The following ZNF189 variants were observed in gnomAD, a reference collection of about 807,000 sequenced individuals.
ZNF189 encodes the protein zinc finger protein 189.
ZNF189 carries 33 observed loss-of-function variants against 53.5 expected under a neutral mutation model. That is an observed-to-expected ratio of 0.62 (90% CI 0.47 to 0.82). The LOEUF (loss-of-function observed/expected upper bound fraction) is 0.82. Ranked by LOEUF, ZNF189 falls within the 40% of genes least tolerant of loss-of-function variation. The pLI, the probability that ZNF189 is intolerant of heterozygous loss-of-function variation, is 0.00. For missense variants in ZNF189, 711 were observed against 753.9 expected (o/e 0.94, Z 0.67); for synonymous variants, 247 against 238.8 (o/e 1.03, Z -0.32).
At position 101,408,181 on chromosome 9, in the gene ZNF189, G is replaced by C. The variant is rs544616775; in HGVS notation, c.413G>C (p.Arg138Pro). ...TTCAGAGAAAACACTAACATTATCC[G>C]TAAAAGACCAAACTCAGAAGAGAAA... ...RMFRENTNII[R>P]KRPNSEEKCH... Residue 138 changes from arginine to proline, a missense_variant, in exon 3 of 3, where the codon CGT (arginine) becomes CCT (proline). Physicochemically the swap from Arg to Pro is moderately radical, Grantham distance 103 (BLOSUM62 -2). Coordinates refer to ENST00000339664, the MANE Select transcript of ZNF189 (RefSeq NM_003452.4). 2 of 1,614,134 alleles carry C rather than the reference G, an allele frequency of 1.2e-6. No homozygotes were observed. Among genetic ancestry groups the C allele is most frequent in the Non-Finnish European group, 1.7e-6 (2 of 1,180,032 alleles).
rs1588165124 is a variant in ZNF189 at position 101,409,818 on chromosome 9, C to T, written c.*169C>T. On this transcript the variant is annotated 3_prime_UTR_variant, in exon 3 of 3. Coordinates refer to ENST00000339664, the MANE Select transcript of ZNF189 (RefSeq NM_003452.4). ...TGGACAACTGCCCATGAGCATTTGA[C>T]TTCCCTTACTCTTTGATGATCGTAG... The T allele has an allele frequency of 1.5e-6, 1 of 666,968 alleles. No individual in the cohort carries two copies. Among genetic ancestry groups the T allele is most frequent in the African/African-American group, 1.8e-5 (1 of 54,766 alleles). The allele number at this position is 666,968 out of a possible 1,614,324, so 41.3% of individuals were successfully genotyped here.
At chr9:101,407,877 C>T (rs1830771006) in intron 2 of ZNF189, 52 bp from the exon 3 acceptor site, 2 of 1,452,034 alleles carry the variant, frequency 1.4e-6, no homozygotes, top group Non-Finnish European at 1.8e-6. Context: ...CTTTGTTTCT[C>T]CTTGCTTCAA....
In ZNF189 at chr9:101,398,890, A is replaced by T; in HGVS notation, c.-267A>T. ...TTGGCTGCAAGGAGGAGGAACTGGC[A>T]GCGGGGAGGAGGCTCTAGCGAGGCC... On this transcript the variant is annotated 5_prime_UTR_variant, in exon 1 of 3. Coordinates refer to ENST00000339664, the MANE Select transcript of ZNF189 (RefSeq NM_003452.4). The T allele has an allele frequency of 1.8e-6, 1 of 545,528 alleles. No individual in the cohort carries two copies. The highest frequency in any genetic ancestry group is 3.3e-6 in the Non-Finnish European group (1 of 307,542). The allele number at this position is 545,528 out of a possible 1,614,324, so 33.8% of individuals were successfully genotyped here. A position where few individuals can be genotyped will look rare whatever the true frequency, so the allele number is the denominator to read the frequency against.
At position 101,399,106 on chromosome 9, in the gene ZNF189, T is replaced by C; in HGVS notation, c.-51T>C. 7.3e-7 allele frequency: 1 copy of C among 1,378,450 alleles called. No individual in the cohort carries two copies. The highest frequency in any genetic ancestry group is 1.0e-6 in the Non-Finnish European group (1 of 967,804). 85.4% of individuals were successfully genotyped at this position (1,378,450 alleles called of 1,614,324 possible). A position where few individuals can be genotyped will look rare whatever the true frequency, so the allele number is the denominator to read the frequency against. ...CAGCCGGGTAGGCCTCACCAGAGGC[T>C]CCTTTCCGTGAGGCCGCCCCCAATT... is the stretch of plus-strand genomic sequence containing the variant. On this transcript the variant is annotated 5_prime_UTR_variant, in exon 1 of 3. Coordinates refer to ENST00000339664, the MANE Select transcript of ZNF189 (RefSeq NM_003452.4).
rs1194017740 is a variant in ZNF189 at position 101,410,212 on chromosome 9, T to C, written c.*563T>C. On this transcript the variant is annotated 3_prime_UTR_variant, in exon 3 of 3. Transcript: ENST00000339664. ...GTTCCAATGCCTGATGGTTCCCAGA[T>C]CTATGAAATGAGTGGACCATTAACC... The C allele has an allele frequency of 6.5e-6, 1 of 152,800 alleles. No individual in the cohort carries two copies. The highest frequency in any genetic ancestry group is 1.5e-5 in the Non-Finnish European group (1 of 68,184). The allele number at this position is 152,800 out of a possible 1,614,324, so 9.5% of individuals were successfully genotyped here.
chr9:101,403,728 C>T (rs535191763), intron 2 of ZNF189, among the ~76,000 whole-genome samples: 1 of 152,272 alleles, frequency 6.6e-6, no homozygotes, highest in East Asian at 1.9e-4. Context: ...CTTTGTTCCT[C>T]TTTTTATAAG....
Position 101,399,998 on chromosome 9 carries a change from C to T in ZNF189, c.148C>T (p.Leu50=), listed in dbSNP as rs1830475751. The change falls in exon 2 of 3, where the codon CTG becomes TTG. Residue 50 remains leucine, a synonymous_variant. Transcript: ENST00000339664. ...TGTCATGATGGAGAATTATGGAAAC[C>T]TGGTCTCACTGGGTAAGAATCTGCT... ...KDVMMENYGN[L]VSLDVLNRDK... is the part of the protein sequence containing the mutation. 1.8e-5 allele frequency: 29 copies of T among 1,614,006 alleles called. No homozygotes were observed. The highest frequency in any genetic ancestry group is 2.5e-5 in the Non-Finnish European group (29 of 1,179,974).
At chr9:101,403,822 A>G (rs1156922311) in intron 2 of ZNF189, among the ~76,000 whole-genome samples, 6 of 152,188 alleles carry the variant, frequency 3.9e-5, no homozygotes, top group Non-Finnish European at 8.8e-5. Context: ...TCCAAATATC[A>G]TCACATTGTG....
Position 101,399,961 on chromosome 9 carries a change from C to T in ZNF189, c.111C>T (p.Ser37=), listed in dbSNP as rs1830474375. The T allele has an allele frequency of 6.2e-7, 1 of 1,613,930 alleles. No homozygotes were observed. The highest frequency in any genetic ancestry group is 1.1e-5 in the South Asian group (1 of 91,082). The change falls in exon 2 of 3, where the codon AGC becomes AGT. Residue 37 remains serine, a synonymous_variant. Coordinates refer to ENST00000339664, the MANE Select transcript of ZNF189 (RefSeq NM_003452.4). ...EWDYLDPAQR[S]LYKDVMMENY... The stretch of plus-strand genomic sequence containing the variant: ...ATTATCTGGACCCAGCTCAGAGAAG[C>T]CTGTATAAAGATGTCATGATGGAGA...
rs1830876504 is a variant in ZNF189, at chr9:101,409,867, A to T, written c.*218A>T. ...AGAGAAAGACTTGGTAATTTATCTA[A>T]GTATCTTTAATAAATCTTTCAGCAG... On this transcript the variant is annotated 3_prime_UTR_variant, in exon 3 of 3. Coordinates refer to ENST00000339664, the MANE Select transcript of ZNF189 (RefSeq NM_003452.4). The T allele has an allele frequency of 1.9e-6, 1 of 528,790 alleles. No individual in the cohort carries two copies. The highest frequency in any genetic ancestry group is 3.2e-6 in the Non-Finnish European group (1 of 307,840). 32.8% of individuals were successfully genotyped at this position (528,790 alleles called of 1,614,324 possible).
At chr9:101,403,391 C>T (rs1830602155) in intron 2 of ZNF189, among the ~76,000 whole-genome samples, 1 of 152,162 alleles carries the variant, frequency 6.6e-6, no homozygotes, top group Non-Finnish European at 1.5e-5. Context: ...CTATCTCCAT[C>T]CCTTTGGTGA....
chr9:101,407,639 C>A, intron 2 of ZNF189: 1 of 427,450 alleles, frequency 2.3e-6, no homozygotes. Context: ...AAGTGATCCT[C>A]CCACCTCACT....
intron 2 of ZNF189, among the ~76,000 whole-genome samples, chr9:101,403,281 ATCTTCTACTTGTAGGCTG>A (rs1564067778): frequency 1.3e-5 from 2 of 152,096 alleles, no homozygotes; most frequent in African/African-American, 4.8e-5. Context: ...CCCACAGATG[ATCTTCTACTTGTAGGCTG>A]TCTTCTTTAT....
chr9:101,403,341 A>G (rs1389248392), intron 2 of ZNF189, among the ~76,000 whole-genome samples: 1 of 151,880 alleles, frequency 6.6e-6, no homozygotes, highest in Non-Finnish European at 1.5e-5. Flanking sequence ...CATATTCATC[A>G]TTTCTCCTCC....
At chr9:101,400,990 A>C (rs1228929580) in intron 2 of ZNF189, among the ~76,000 whole-genome samples, 1 of 152,206 alleles carries the variant, frequency 6.6e-6, no homozygotes, top group Non-Finnish European at 1.5e-5. Flanking sequence ...TGAGGTGTCC[A>C]ACCTTTCTGG....
intron 2 of ZNF189, among the ~76,000 whole-genome samples, chr9:101,404,351 CTTT>C (rs1427441303): frequency 6.7e-6 from 1 of 149,232 alleles, no homozygotes; most frequent in Non-Finnish European, 1.5e-5. Flanking sequence ...GATTTATTTA[CTTT>C]TTTATTGGTT....
In ZNF189 at chr9:101,408,877, G is replaced by T; in HGVS notation, c.1109G>T (p.Arg370Ile). 6 of 1,614,094 alleles carry T rather than the reference G, an allele frequency of 3.7e-6. No individual in the cohort carries two copies. The highest frequency in any genetic ancestry group is 5.1e-6 in the Non-Finnish European group (6 of 1,180,022). The stretch of plus-strand genomic sequence containing the variant: ...CATCAGAGGATCCATACTGGTGAAA[G>T]ACCTTATCAGTGCAAAGAGTGTGGG... ...IEHQRIHTGERPYQCKECGKS... is the reference protein window; with the variant it reads ...IEHQRIHTGEIPYQCKECGKS... Residue 370 changes from arginine to isoleucine, a missense_variant, in exon 3 of 3, where the codon AGA becomes ATA. Coordinates refer to ENST00000339664, the MANE Select transcript of ZNF189 (RefSeq NM_003452.4).
chr9:101,401,305 G>A (rs1276393283), intron 2 of ZNF189, among the ~76,000 whole-genome samples: 2 of 152,256 alleles, frequency 1.3e-5, no homozygotes, highest in East Asian at 1.9e-4. Flanking sequence ...TCATTAAGTA[G>A]TGAAGCTCAC....
intron 2 of ZNF189, among the ~76,000 whole-genome samples, chr9:101,403,278 A>T (rs772336517): frequency 3.3e-5 from 5 of 152,172 alleles, no homozygotes; most frequent in Admixed American, 6.5e-5. Context: ...GTGCCCACAG[A>T]TGATCTTCTA....
Sources: allele counts gnomAD v4.1 joint callset (sites outside exome capture counted in the v4.1 genomes callset), GRCh38; gene constraint gnomAD v4.1.1; transcripts MANE v1.5; gene names NCBI Gene and HGNC (gene_info 2026-07-23, HGNC 2026-07-21).